B3GALT1: variants seen among roughly 807,000 people sequenced by gnomAD.
The protein encoded by B3GALT1 is beta-1,3-galactosyltransferase 1, also known as UDP-Gal:betaGlcNAc beta 1,3-galactosyltransferase, polypeptide 1.
B3GALT1 carries 10 observed loss-of-function variants against 23.2 expected under a neutral mutation model. The observed-to-expected ratio is 0.43, with a 90% CI of 0.27 to 0.73. The LOEUF is 0.73. Among genes scored for constraint, B3GALT1 ranks in the 30% least tolerant of loss-of-function variants. B3GALT1 has a pLI of 0.21. For synonymous variants in B3GALT1, 156 were observed against 141.5 expected (o/e 1.10, Z -0.73); for missense variants, 299 against 405.4 (o/e 0.74, Z 2.25).
At chr2:167,784,920 A>G (rs1688315432) in intron 3 of B3GALT1, among the ~76,000 whole-genome samples, 1 of 152,218 alleles carries the variant, frequency 6.6e-6, no homozygotes, top group Non-Finnish European at 1.5e-5. Context: ...TTTTTCACAT[A>G]AAATATAAAG....
At chr2:167,424,322 A>G (rs1190514112) in intron 1 of B3GALT1, among the ~76,000 whole-genome samples, 2 of 152,200 alleles carry the variant, frequency 1.3e-5, no homozygotes, top group Non-Finnish European at 2.9e-5. Flanking sequence ...GTGCCAGAAG[A>G]CCTGGTTGTT....
intron 3 of B3GALT1, among the ~76,000 whole-genome samples, chr2:167,725,684 G>T (rs1375317): frequency 2.0e-5 from 3 of 151,878 alleles, no homozygotes; most frequent in African/African-American, 7.3e-5. Flanking sequence ...AATAAATATG[G>T]CCCTGGAAAA....
At chr2:167,335,896 T>C (rs1317897232) in intron 1 of B3GALT1, among the ~76,000 whole-genome samples, 1 of 152,144 alleles carries the variant, frequency 6.6e-6, no homozygotes, top group Non-Finnish European at 1.5e-5. Context: ...CAGCCTCATT[T>C]TACCCAGCCC....
chr2:167,611,155 A>G (rs1685058463), intron 2 of B3GALT1, among the ~76,000 whole-genome samples: 1 of 151,968 alleles, frequency 6.6e-6, no homozygotes, highest in African/African-American at 2.4e-5. Context: ...AAGTTAAAAA[A>G]AAGAAAATCC....
chr2:167,643,882 C>G (rs1472642763), intron 2 of B3GALT1, among the ~76,000 whole-genome samples: 1 of 152,158 alleles, frequency 6.6e-6, no homozygotes, highest in African/African-American at 2.4e-5. Context: ...ATGGGGACAG[C>G]TCTTTTTGCC....
At chr2:167,564,022 C>G (rs1189062391) in intron 2 of B3GALT1, among the ~76,000 whole-genome samples, 3 of 150,436 alleles carry the variant, frequency 2.0e-5, no homozygotes, top group African/African-American at 7.3e-5. Flanking sequence ...ACCTCCCTCC[C>G]GGACGAGGTG....
At chr2:167,601,994 A>T (rs1046380590) in intron 2 of B3GALT1, among the ~76,000 whole-genome samples, 2 of 152,192 alleles carry the variant, frequency 1.3e-5, no homozygotes, top group Admixed American at 6.5e-5. Flanking sequence ...TTTATATCAA[A>T]ACAACAGAAC....
intron 4 of B3GALT1, among the ~76,000 whole-genome samples, chr2:167,822,558 G>A (rs937540635): frequency 1.6e-4 from 25 of 152,158 alleles, no homozygotes; most frequent in Non-Finnish European, 3.2e-4. Context: ...AAGACAAAGA[G>A]ATTATTAAAA....
At chr2:167,353,478 T>C (rs1472899030) in intron 1 of B3GALT1, among the ~76,000 whole-genome samples, 2 of 152,064 alleles carry the variant, frequency 1.3e-5, no homozygotes, top group Admixed American at 1.3e-4. Flanking sequence ...GCCAAATGGC[T>C]GTTTCGTGAC....
At position 167,750,480 on chromosome 2, in the gene B3GALT1, AG is replaced by A. The variant is rs1452736684; in HGVS notation, c.-351-68191del. Among the ~76,000 whole-genome samples the A allele has an allele frequency of 2.0e-5, 3 of 152,168 alleles. No homozygotes were observed. In the South Asian group the frequency reaches 6.2e-4, roughly 32 times the overall value. On this transcript the variant is annotated intron_variant, in intron 3 of 4. Transcript: ENST00000392690. ...GAAGTCTTTGAGCCTAGAAAAGCCA[AG>A]TTTTGTGTTTATTTCTTTCACATAC...
At chr2:167,804,585 T>A (rs1334109754) in intron 3 of B3GALT1, among the ~76,000 whole-genome samples, 6 of 152,126 alleles carry the variant, frequency 3.9e-5, no homozygotes, top group African/African-American at 1.4e-4. Flanking sequence ...GTGTTTGGTT[T>A]TTTGTCCTTG....
Position 167,870,296 on chromosome 2 carries a change from C to T in B3GALT1, c.*276C>T, listed in dbSNP as rs1027244048. 4.4e-5 allele frequency: 13 copies of T among 295,340 alleles called. No homozygotes were observed. Among genetic ancestry groups the T allele is most frequent in the African/African-American group, 1.3e-4 (6 of 46,472 alleles). 18.3% of individuals were successfully genotyped at this position (295,340 alleles called of 1,614,324 possible). A position where few individuals can be genotyped will look rare whatever the true frequency, so the allele number is the denominator to read the frequency against. ...ACTTCCAAACAACTCTTAGGATTGACGTACCGTGCATCTGAGATAAAAATT... is the reference window on the plus strand; with the variant it reads ...ACTTCCAAACAACTCTTAGGATTGATGTACCGTGCATCTGAGATAAAAATT... On this transcript the variant is annotated 3_prime_UTR_variant, in exon 5 of 5. Coordinates refer to ENST00000392690, the MANE Select transcript of B3GALT1 (RefSeq NM_020981.4).
At chr2:167,749,613 A>C (rs1183210015) in intron 3 of B3GALT1, among the ~76,000 whole-genome samples, 1 of 152,186 alleles carries the variant, frequency 6.6e-6, no homozygotes, top group Non-Finnish European at 1.5e-5. Flanking sequence ...TATTGACTAC[A>C]GTTTGAGGGG....
chr2:167,604,333 G>A (rs1357942416), intron 2 of B3GALT1, among the ~76,000 whole-genome samples: 1 of 152,152 alleles, frequency 6.6e-6, no homozygotes, highest in Non-Finnish European at 1.5e-5. Context: ...ACGGGAAGTA[G>A]GAACTTTCAG....
intron 4 of B3GALT1, among the ~76,000 whole-genome samples, chr2:167,850,175 G>A (rs577170953): frequency 2.0e-5 from 3 of 152,144 alleles, no homozygotes; most frequent in East Asian, 1.9e-4. Context: ...CAGAATCTAC[G>A]ACAAACTCAA....
At chr2:167,794,365 G>C (rs1047489570) in intron 3 of B3GALT1, among the ~76,000 whole-genome samples, 1 of 152,112 alleles carries the variant, frequency 6.6e-6, no homozygotes, top group Non-Finnish European at 1.5e-5. Flanking sequence ...TGTTGCTTTA[G>C]TTCAGGAAGT....
Position 167,818,701 on chromosome 2 carries a change from C to T in B3GALT1, c.-322C>T, listed in dbSNP as rs990829269. ...ACGCAGCTTGCTCCTGGCACGGGCACCTTGAATCTCCTCCTCACACAGATG... is the reference window on the plus strand; with the variant it reads ...ACGCAGCTTGCTCCTGGCACGGGCATCTTGAATCTCCTCCTCACACAGATG... On this transcript the variant is annotated 5_prime_UTR_variant, in exon 4 of 5. Transcript: ENST00000392690. Among the ~76,000 whole-genome samples the T allele has an allele frequency of 1.3e-5, 2 of 151,694 alleles. No individual in the cohort carries two copies. Among genetic ancestry groups the T allele is most frequent in the South Asian group, 2.1e-4 (1 of 4,820 alleles).
rs150725868 is a variant in B3GALT1 at position 167,764,802 on chromosome 2, ATAAC to A, written c.-351-53865_-351-53862del. On this transcript the variant is annotated intron_variant, in intron 3 of 4. Coordinates refer to ENST00000392690, the MANE Select transcript of B3GALT1 (RefSeq NM_020981.4). ...ACTATTAGAACGTAAGGATATGAAA[ATAAC>A]TAACGGCTTTCTACACTAGATCTTG... Among the ~76,000 whole-genome samples, 977 of 152,300 alleles carry A rather than the reference ATAAC, an allele frequency of 6.4e-3. 6 individuals are homozygous for A. The highest frequency in any genetic ancestry group is 0.022 in the African/African-American group (924 of 41,558).
rs147959945 is a variant in B3GALT1 at position 167,637,754 on chromosome 2, A to G, written c.-409-9155A>G. 5.2e-3 allele frequency among the ~76,000 whole-genome samples: 787 copies of G among 151,496 alleles called. 13 individuals carry two copies. Among genetic ancestry groups the G allele is most frequent in the African/African-American group, 0.018 (744 of 41,282 alleles). ...CCACATACAAGTGAAAACATGCAGT[A>G]TTTGTCTTTTTGGGCCTGGCTTATT... On this transcript the variant is annotated intron_variant, in intron 2 of 4. Coordinates refer to ENST00000392690, the MANE Select transcript of B3GALT1 (RefSeq NM_020981.4).
Sources: allele counts gnomAD v4.1 joint callset (sites outside exome capture counted in the v4.1 genomes callset), GRCh38; gene constraint gnomAD v4.1.1; transcripts MANE v1.5; gene names NCBI Gene and HGNC (gene_info 2026-07-23, HGNC 2026-07-21).